The following ADGRA2 variants were observed in gnomAD, a reference collection of about 807,000 sequenced individuals.
The protein encoded by ADGRA2 is adhesion G protein-coupled receptor A2, also known as G-protein coupled receptor 124.
ADGRA2 carries 61 observed loss-of-function variants against 98.7 expected under a neutral mutation model. That is an observed-to-expected ratio of 0.62 (90% CI 0.50 to 0.76). The LOEUF is 0.76. ADGRA2 is among the 30% of genes least tolerant of loss of function. The pLI, the probability that ADGRA2 is intolerant of heterozygous loss-of-function variation, is 0.00. For missense variants in ADGRA2, 1,712 were observed against 1,860.0 expected (o/e 0.92, Z 1.46); for synonymous variants, 858 against 831.5 (o/e 1.03, Z -0.55).
At chr8:37,825,410 A>T (rs1016024944) in intron 2 of ADGRA2, among the ~76,000 whole-genome samples, 8 of 138,106 alleles carry the variant, frequency 5.8e-5, no homozygotes, top group Non-Finnish European at 9.5e-5. Flanking sequence ...CATTGGCTAA[A>T]TTTTTTTTTT....
In ADGRA2 at chr8:37,833,005, C is replaced by A. The variant is rs375583297; in HGVS notation, c.1098-5C>A. On this transcript the variant is annotated splice_region_variant and splice_polypyrimidine_tract_variant and intron_variant, in intron 8 of 18. Coordinates refer to ENST00000412232, the MANE Select transcript of ADGRA2 (RefSeq NM_032777.10). ...TCATCGGCAACTTCCTGCCTCTCCCCCCAGGTGGCCCCGAACTCTGGCTGG... is the reference window on the plus strand; with the variant it reads ...TCATCGGCAACTTCCTGCCTCTCCCACCAGGTGGCCCCGAACTCTGGCTGG... 3.1e-6 allele frequency: 5 copies of A among 1,610,234 alleles called. No homozygotes were observed. In the South Asian group the frequency reaches 3.3e-5, roughly 11 times the overall value.
Position 37,834,297 on chromosome 8 carries a change from C to T in ADGRA2, c.1608+169C>T, listed in dbSNP as rs571489753. On this transcript the variant is annotated intron_variant, in intron 11 of 18. Transcript: ENST00000412232. This position sits in a 1 kb window ranked among gnomAD's most constrained non-coding sequence, Gnocchi z 4.2. ...AGGGGCAGTGCTAAGGAGAGGTGGC[C>T]GGTGACCCTGGAGAAGTGATGCCAG... Among the ~76,000 whole-genome samples, 23 of 152,290 alleles carry T rather than the reference C, an allele frequency of 1.5e-4. No individual in the cohort carries two copies. Among genetic ancestry groups the T allele is most frequent in the African/African-American group, 4.3e-4 (18 of 41,550 alleles).
chr8:37,835,439 C>T, intron 12 of ADGRA2, 41 bp downstream of exon 12: 2 of 1,565,480 alleles, frequency 1.3e-6, no homozygotes, highest in Non-Finnish European at 1.8e-6. Context: ...AGAAGGGAGG[C>T]ACTCAGATGC....
rs1290410753 is a variant in ADGRA2 at position 37,841,491 on chromosome 8, C to G, written c.3153C>G (p.Ser1051Arg). The G allele has an allele frequency of 6.2e-7, 1 of 1,613,070 alleles. No individual in the cohort carries two copies. The highest frequency in any genetic ancestry group is 1.1e-5 in the South Asian group (1 of 91,036). ...GCTGGCTGCCCCGGGTGGTGTGCAG[C>G]TGCTTGTACGGGGTGGCAGCCTCCG... ...SQRWLPRVVC[S>R]CLYGVAASAL... The change falls in exon 19 of 19, where the codon AGC (serine) becomes AGG (arginine). Residue 1051 changes from serine (S) to arginine (R), a missense_variant. Ser to Arg is a moderately radical substitution (Grantham distance 110). Transcript: ENST00000412232. The surrounding 1 kb of genome is among the most constrained non-coding windows in gnomAD (Gnocchi z 5.0).
intron 7 of ADGRA2, 26 bp from the exon 8 acceptor site, chr8:37,831,397 G>A (rs1432767368): frequency 2.6e-5 from 42 of 1,604,516 alleles, no homozygotes; most frequent in South Asian, 3.3e-5. Context: ...GGTGACTCAC[G>A]AGCCAGCTCC....
Position 37,841,619 on chromosome 8 carries a change from C to A in ADGRA2, c.3281C>A (p.Ala1094Asp). The stretch of plus-strand genomic sequence containing the variant: ...CCTGCCTCTCCCGCGGCCCCCCATG[C>A]CCCGCCCCGGGCCCTGCCCGCCGCC... ...CPPASPAAPH[A>D]PPRALPAAAE... Residue 1094 changes from alanine (A) to aspartate (D), a missense_variant, in exon 19 of 19, where the codon GCC becomes GAC. Ala to Asp is a moderately radical substitution (Grantham distance 126). Coordinates refer to ENST00000412232, the MANE Select transcript of ADGRA2 (RefSeq NM_032777.10). The surrounding 1 kb of genome is among the most constrained non-coding windows in gnomAD (Gnocchi z 5.0). The A allele has an allele frequency of 6.5e-7, 1 of 1,542,802 alleles. No individual in the cohort carries two copies. The highest frequency in any genetic ancestry group is 1.2e-5 in the South Asian group (1 of 82,254).
At position 37,814,266 on chromosome 8, in the gene ADGRA2, T is replaced by C. The variant is rs1223440271; in HGVS notation, c.267-630T>C. The stretch of plus-strand genomic sequence containing the variant: ...AAACAGAACCCCGAGGCGCAGAGGC[T>C]GAGGCTGAGGCCTGGCTTCCCCTAC... On this transcript the variant is annotated intron_variant, in intron 1 of 18. Transcript: ENST00000412232. The surrounding 1 kb of genome is among the most constrained non-coding windows in gnomAD (Gnocchi z 4.3). Among the ~76,000 whole-genome samples, 1 of 152,142 alleles carries C rather than the reference T, an allele frequency of 6.6e-6. No individual in the cohort carries two copies. Among genetic ancestry groups the C allele is most frequent in the African/African-American group, 2.4e-5 (1 of 41,426 alleles).
rs756051548 is a variant in ADGRA2, at chr8:37,814,722, A to G, written c.267-174A>G. Among the ~76,000 whole-genome samples the G allele has an allele frequency of 7.2e-5, 11 of 152,144 alleles. No individual in the cohort carries two copies. The highest frequency in any genetic ancestry group is 1.3e-4 in the Non-Finnish European group (9 of 68,016). The stretch of plus-strand genomic sequence containing the variant: ...GAAGGTCTGACGTGGGGCTGGGTGG[A>G]CCGTTGGCCAGCTTCTCCCTGTAAT... On this transcript the variant is annotated intron_variant, in intron 1 of 18. Transcript: ENST00000412232. This position sits in a 1 kb window ranked among gnomAD's most constrained non-coding sequence, Gnocchi z 4.3.
chr8:37,811,931 C>T (rs1023230225), intron 1 of ADGRA2, among the ~76,000 whole-genome samples: 7 of 151,522 alleles, frequency 4.6e-5, no homozygotes, highest in African/African-American at 1.2e-4. Context: ...GGTGAAACCC[C>T]GCCTCTACTA....
chr8:37,829,439 C>T (rs1181524395), intron 4 of ADGRA2, 49 bp from the exon 5 acceptor site: 2 of 1,550,404 alleles, frequency 1.3e-6, no homozygotes, highest in Non-Finnish European at 1.8e-6. Context: ...CCTCCGCCGG[C>T]CCATGGACAC....
rs771016235 is a variant in ADGRA2, at chr8:37,842,392, C to G, written c.*37C>G. 7.0e-7 allele frequency: 1 copy of G among 1,434,102 alleles called. No homozygotes were observed. Among genetic ancestry groups the G allele is most frequent in the Non-Finnish European group, 9.1e-7 (1 of 1,095,388 alleles). 88.8% of individuals were successfully genotyped at this position (1,434,102 alleles called of 1,614,324 possible). On this transcript the variant is annotated 3_prime_UTR_variant, in exon 19 of 19. Transcript: ENST00000412232. ...CGACGCGGTAGACGGGCTGGCCACG[C>G]GGCTCGTTCCCCCGCTCCTCGGGGC...
At position 37,830,530 on chromosome 8, in the gene ADGRA2, T is replaced by G. The variant is rs937637348; in HGVS notation, c.719-180T>G. 9.2e-5 allele frequency among the ~76,000 whole-genome samples: 14 copies of G among 152,288 alleles called. No individual in the cohort carries two copies. Among genetic ancestry groups the G allele is most frequent in the African/African-American group, 3.1e-4 (13 of 41,570 alleles). On this transcript the variant is annotated intron_variant, in intron 6 of 18. Transcript: ENST00000412232. The surrounding 1 kb of genome is among the most constrained non-coding windows in gnomAD (Gnocchi z 4.8). ...CTTTTCTTTGTCCAAAAACCGCCTGTCCCTCCCCTTTACCCTTACCCCTAG... is the reference window on the plus strand; with the variant it reads ...CTTTTCTTTGTCCAAAAACCGCCTGGCCCTCCCCTTTACCCTTACCCCTAG...
At position 37,833,734 on chromosome 8, in the gene ADGRA2, G is replaced by C. The variant is rs148143932; in HGVS notation, c.1343G>C (p.Arg448Pro). Residue 448 changes from arginine to proline, a missense_variant, in exon 10 of 19, where the codon CGC (arginine) becomes CCC (proline). Physicochemically the swap from Arg to Pro is moderately radical, Grantham distance 103. Transcript: ENST00000412232. ...SNALTLAHQL[R>P]VYTAEAASFS... ...GCGCTGACCCTGGCTCACCAGCTGC[G>C]CGTGTACACAGCCGAGGCCGCTAGC... The C allele has an allele frequency of 1.2e-6, 2 of 1,614,064 alleles. No individual in the cohort carries two copies. The highest frequency in any genetic ancestry group is 1.7e-6 in the Non-Finnish European group (2 of 1,180,028).
Position 37,796,997 on chromosome 8 carries a change from C to A in ADGRA2, c.-272C>A, listed in dbSNP as rs1207434235. ...CGGAGGGGCCGGGCCTCCAGTGTCC[C>A]GAGGGCCGGGCGCTGAGACTCCGGC... On this transcript the variant is annotated 5_prime_UTR_variant, in exon 1 of 19. Coordinates refer to ENST00000412232, the MANE Select transcript of ADGRA2 (RefSeq NM_032777.10). 2 of 170,314 alleles carry A rather than the reference C, an allele frequency of 1.2e-5. No individual in the cohort carries two copies. Among genetic ancestry groups the A allele is most frequent in the Non-Finnish European group, 2.5e-5 (2 of 80,554 alleles). The allele number at this position is 170,314 out of a possible 1,614,324, so 10.6% of individuals were successfully genotyped here. A position where few individuals can be genotyped will look rare whatever the true frequency, so the allele number is the denominator to read the frequency against.
rs1172219654 is a variant in ADGRA2 at position 37,802,374 on chromosome 8, G to A, written c.266+4840G>A. Among the ~76,000 whole-genome samples, 3 of 152,312 alleles carry A rather than the reference G, an allele frequency of 2.0e-5. No individual in the cohort carries two copies. Among genetic ancestry groups the A allele is most frequent in the Non-Finnish European group, 4.4e-5 (3 of 68,040 alleles). On this transcript the variant is annotated intron_variant, in intron 1 of 18. Coordinates refer to ENST00000412232, the MANE Select transcript of ADGRA2 (RefSeq NM_032777.10). This position sits in a 1 kb window ranked among gnomAD's most constrained non-coding sequence, Gnocchi z 4.7. ...CTTTCCCCCATATGGTTCTCATAAGGTCTGGGCGCAGAGACAGCAGCCAGA... is the reference window on the plus strand; with the variant it reads ...CTTTCCCCCATATGGTTCTCATAAGATCTGGGCGCAGAGACAGCAGCCAGA...
In ADGRA2 at chr8:37,841,553, G is replaced by A. The variant is rs1249746713; in HGVS notation, c.3215G>A (p.Arg1072Lys). Residue 1072 changes from arginine (R) to lysine (K), a missense_variant, in exon 19 of 19, where the codon AGG becomes AAG. Arg to Lys is a conservative substitution (Grantham distance 26). Transcript: ENST00000412232. The surrounding 1 kb of genome is among the most constrained non-coding windows in gnomAD (Gnocchi z 5.0). ...TTCGTCTTCACTCACCACTGTGCCA[G>A]GCGGAGGGACGTGAGAGCCTCGTGG... ...GLFVFTHHCARRRDVRASWRA... is the reference protein window; with the variant it reads ...GLFVFTHHCAKRRDVRASWRA... 6 of 1,611,046 alleles carry A rather than the reference G, an allele frequency of 3.7e-6. No individual in the cohort carries two copies. Among genetic ancestry groups the A allele is most frequent in the Non-Finnish European group, 5.1e-6 (6 of 1,179,380 alleles).
At chr8:37,835,435 G>C in intron 12 of ADGRA2, 37 bp downstream of exon 12, 1 of 1,577,514 alleles carries the variant, frequency 6.3e-7, no homozygotes, top group South Asian at 1.1e-5. Flanking sequence ...TGGGAGAAGG[G>C]AGGCACTCAG....
At chr8:37,832,188 G>A (rs1415689672) in intron 8 of ADGRA2, among the ~76,000 whole-genome samples, 4 of 151,022 alleles carry the variant, frequency 2.6e-5, no homozygotes, top group Non-Finnish European at 5.9e-5. Flanking sequence ...CAGCCTCCCC[G>A]GTAGCTGGCC....
chr8:37,830,084 G>C lies in ADGRA2; in HGVS notation c.718+70G>C. The C allele has an allele frequency of 8.5e-6, 9 of 1,059,936 alleles. No individual in the cohort carries two copies. Among genetic ancestry groups the C allele is most frequent in the Non-Finnish European group, 1.2e-5 (9 of 757,114 alleles). 65.7% of individuals were successfully genotyped at this position (1,059,936 alleles called of 1,614,324 possible). On this transcript the variant is annotated intron_variant, in intron 6 of 18. Transcript: ENST00000412232. The surrounding 1 kb of genome is among the most constrained non-coding windows in gnomAD (Gnocchi z 4.8). ...CTCCACCAACCCAGGGCCCAGACAC[G>C]AGCCTCCCCTCAGACCCACAGGTTT...
Sources: allele counts gnomAD v4.1 joint callset (sites outside exome capture counted in the v4.1 genomes callset), GRCh38; gene constraint gnomAD v4.1.1; non-coding constraint Gnocchi (gnomAD v3.1); transcripts MANE v1.5; gene names NCBI Gene and HGNC (gene_info 2026-07-23, HGNC 2026-07-21).